The following NAALADL2 variants were observed in gnomAD, a reference collection of about 807,000 sequenced individuals.
The protein encoded by NAALADL2 is N-acetylated alpha-linked acidic dipeptidase like 2.
Under a neutral mutation model 87.2 loss-of-function variants are expected in NAALADL2, and 76 were observed. That is an observed-to-expected ratio of 0.87 (90% CI 0.72 to 1.05). NAALADL2 has a LOEUF of 1.05. Among genes scored for constraint, NAALADL2 ranks in the 50% least tolerant of loss-of-function variants. The probability of loss-of-function intolerance (pLI) is 0.00; values close to 1 mark genes in which losing one functional copy is unlikely to be tolerated. For missense variants in NAALADL2, 1,089 were observed against 945.8 expected, an observed-to-expected ratio of 1.15 and a Z score of -1.99; for synonymous variants, 354 against 331.0, an observed-to-expected ratio of 1.07 and a Z score of -0.75.
chr3:175,372,755 G>A (rs1364956845), intron 5 of NAALADL2, among the ~76,000 whole-genome samples: 1 of 152,188 alleles, frequency 6.6e-6, no homozygotes, highest in Non-Finnish European at 1.5e-5. Flanking sequence ...AAAAATTGGG[G>A]TAGTATCCAG....
At chr3:175,204,398 C>A (rs1001580361) in intron 2 of NAALADL2, among the ~76,000 whole-genome samples, 26 of 152,132 alleles carry the variant, frequency 1.7e-4, no homozygotes, top group African/African-American at 5.8e-4. Flanking sequence ...TCCAGCATCA[C>A]TCTATGATTA....
chr3:174,827,133 C>T (rs963716434), intron 3 of NAALADL2, among the ~76,000 whole-genome samples: 1 of 152,120 alleles, frequency 6.6e-6, no homozygotes, highest in South Asian at 2.1e-4. Flanking sequence ...TCTTCTCACT[C>T]ACTTTTTTTT....
In NAALADL2 at chr3:175,113,528, C is replaced by T. The variant is rs559343981; in HGVS notation, c.545+16237C>T. ...AGGTCCCATATTTTACCGAGCTACC[C>T]AGCTAACAAGTTAGCTTGCCATAGT... On this transcript the variant is annotated intron_variant, in intron 2 of 13. Coordinates refer to ENST00000454872, the MANE Select transcript of NAALADL2 (RefSeq NM_207015.3). 9.2e-5 allele frequency among the ~76,000 whole-genome samples: 14 copies of T among 151,658 alleles called. No homozygotes were observed. In the South Asian group the frequency reaches 2.9e-3, roughly 31 times the overall value.
intron 1 of NAALADL2, among the ~76,000 whole-genome samples, chr3:175,028,492 T>C (rs1752456355): frequency 6.6e-6 from 1 of 152,040 alleles, no homozygotes. Flanking sequence ...CCAGAGGTAA[T>C]TTTATGATGT....
At chr3:175,206,043 C>T (rs147672556) in intron 2 of NAALADL2, among the ~76,000 whole-genome samples, 78 of 151,420 alleles carry the variant, frequency 5.2e-4, no homozygotes, top group Middle Eastern at 3.4e-3. Flanking sequence ...TGTGGAGATC[C>T]CTTAAGGAAC....
intron 3 of NAALADL2, among the ~76,000 whole-genome samples, chr3:174,797,112 C>T (rs902820775): frequency 6.6e-6 from 1 of 151,946 alleles, no homozygotes. Context: ...AGCCTTCAAA[C>T]TGTCTTGTGT....
At chr3:175,071,781 A>T (rs1405626843) in intron 1 of NAALADL2, among the ~76,000 whole-genome samples, 2 of 148,956 alleles carry the variant, frequency 1.3e-5, no homozygotes. Context: ...GAAACAAAGG[A>T]TATTAAAAAA....
At chr3:175,343,712 G>T (rs1445087810) in intron 5 of NAALADL2, among the ~76,000 whole-genome samples, 1 of 140,076 alleles carries the variant, frequency 7.1e-6, no homozygotes, top group Admixed American at 7.9e-5. Flanking sequence ...ACTGGGGTTG[G>T]GAAAAGATTG....
At chr3:175,289,895 C>G (rs1755444038) in intron 4 of NAALADL2, among the ~76,000 whole-genome samples, 1 of 151,972 alleles carries the variant, frequency 6.6e-6, no homozygotes, top group Non-Finnish European at 1.5e-5. Flanking sequence ...CAGAATACAA[C>G]TGTAAGAAGA....
At chr3:175,407,992 C>A (rs1003685872) in intron 5 of NAALADL2, among the ~76,000 whole-genome samples, 1 of 152,052 alleles carries the variant, frequency 6.6e-6, no homozygotes, top group Non-Finnish European at 1.5e-5. Flanking sequence ...GGTCATTGAA[C>A]ATTGTTTTAA....
In NAALADL2 at chr3:174,587,064, A is replaced by G. The variant is rs113520134; in HGVS notation, c.-115+36427A>G. On this transcript the variant is annotated intron_variant, in intron 2 of 3. Transcript: ENST00000434257. Reference sequence around the variant, plus strand: ...TGTTCTCATTGTTCACTTCTCACCTATGAGTGAGGACATGCGGAGTTTGGT... The same window carrying G: ...TGTTCTCATTGTTCACTTCTCACCTGTGAGTGAGGACATGCGGAGTTTGGT... Among the ~76,000 whole-genome samples the G allele has an allele frequency of 8.3e-3, 1,216 of 147,198 alleles. 17 individuals are homozygous for G. Among genetic ancestry groups the G allele is most frequent in the African/African-American group, 0.028 (1,108 of 39,798 alleles).
chr3:174,453,739 C>G (rs951768303), intron 1 of NAALADL2, among the ~76,000 whole-genome samples: 7 of 152,182 alleles, frequency 4.6e-5, no homozygotes, highest in Non-Finnish European at 1.0e-4. Context: ...GTCAGACCTG[C>G]TTTACAAGAG....
intron 3 of NAALADL2, among the ~76,000 whole-genome samples, chr3:174,828,338 T>C (rs1359309884): frequency 1.3e-5 from 2 of 152,226 alleles, no homozygotes; most frequent in Admixed American, 6.5e-5. Context: ...ATTGGTCCTA[T>C]GAAGGTGTCT....
rs555641612 is a variant in NAALADL2, at chr3:175,431,678, T to A, written c.1091-15551T>A. On this transcript the variant is annotated intron_variant, in intron 5 of 13. Coordinates refer to ENST00000454872, the MANE Select transcript of NAALADL2 (RefSeq NM_207015.3). ...CAGTGAAAGTCAAAAGTTCTTTGTA[T>A]GCAGAAGTGTTCTGTGTGAACAGGT... 4.6e-5 allele frequency among the ~76,000 whole-genome samples: 7 copies of A among 152,152 alleles called. No individual in the cohort carries two copies. The East Asian group carries it at 1.3e-3, about 29-fold the overall frequency.
Position 174,772,416 on chromosome 3 carries a change from G to GTCTAT in NAALADL2, c.-9+34671_-9+34675dup, listed in dbSNP as rs148570390. Among the ~76,000 whole-genome samples, 1,278 of 152,114 alleles carry GTCTAT rather than the reference G, an allele frequency of 8.4e-3. 23 individuals are homozygous for GTCTAT. Among genetic ancestry groups the GTCTAT allele is most frequent in the Non-Finnish European group, 8.0e-3 (547 of 67,962 alleles). ...ATTGGTGTGCAGATTTCAAAAAATT[G>GTCTAT]TCTATAATAGGATGCTAATTGGTGT... On this transcript the variant is annotated intron_variant, in intron 3 of 3. Transcript: ENST00000434257.
At chr3:174,781,354 G>A (rs1052067770) in intron 3 of NAALADL2, among the ~76,000 whole-genome samples, 3 of 151,636 alleles carry the variant, frequency 2.0e-5, no homozygotes, top group Non-Finnish European at 4.4e-5. Context: ...AGTTCTCCTG[G>A]ATAATATCCT....
intron 1 of NAALADL2, among the ~76,000 whole-genome samples, chr3:174,892,672 C>T (rs1011755773): frequency 2.0e-5 from 3 of 151,806 alleles, no homozygotes. Context: ...GCCTGTAATC[C>T]CAGCACTTAG....
chr3:174,680,940 G>T (rs913531013), intron 2 of NAALADL2, among the ~76,000 whole-genome samples: 1 of 152,184 alleles, frequency 6.6e-6, no homozygotes, highest in African/African-American at 2.4e-5. Flanking sequence ...AAGAGGGTGG[G>T]AAAGAGCATC....
chr3:175,031,896 G>T (rs1415894732), intron 1 of NAALADL2, among the ~76,000 whole-genome samples: 1 of 151,780 alleles, frequency 6.6e-6, no homozygotes, highest in Non-Finnish European at 1.5e-5. Flanking sequence ...CATGTTTGTT[G>T]CCTGCTTCTA....
Sources: gnomAD v4.1 joint callset for allele counts (sites outside exome capture counted in the v4.1 genomes callset) on GRCh38, gnomAD v4.1.1 for gene constraint, MANE v1.5 for transcripts, NCBI Gene and HGNC (gene_info 2026-07-23, HGNC 2026-07-21) for gene names.